The following CDC5L variants were observed in gnomAD, a reference collection of about 807,000 sequenced individuals.
The protein encoded by CDC5L is cell division cycle 5 like, also known as cell division cycle 5-like protein.
In CDC5L, 18 loss-of-function variants were observed where a neutral mutation model predicts 104.1. That is an observed-to-expected ratio of 0.17 (90% CI 0.12 to 0.26). The LOEUF (loss-of-function observed/expected upper bound fraction) is 0.26, where lower values mean the gene tolerates loss of function less well. Ranked by LOEUF, CDC5L falls within the 10% of genes least tolerant of loss-of-function variation. The pLI is 1.00. For synonymous variants in CDC5L, 331 were observed against 322.7 expected (o/e 1.03, Z -0.28); for missense variants, 673 against 956.9 (o/e 0.70, Z 3.91).
intron 11 of CDC5L, 135 bp from the exon 12 acceptor site, chr6:44,425,968 T>A: frequency 1.8e-6 from 1 of 543,690 alleles, no homozygotes; most frequent in Non-Finnish European, 3.3e-6. Context: ...GCATTGCCTT[T>A]CTACAAACTT....
At chr6:44,421,527 A>T (rs548087571) in intron 9 of CDC5L, among the ~76,000 whole-genome samples, 1 of 152,192 alleles carries the variant, frequency 6.6e-6, no homozygotes, top group Non-Finnish European at 1.5e-5. Context: ...AACATTTAAC[A>T]CTTCTTGAGA....
chr6:44,429,809 T>C lies in CDC5L; in HGVS notation c.1990T>C (p.Cys664Arg). 6.2e-7 allele frequency: 1 copy of C among 1,614,054 alleles called. No individual in the cohort carries two copies. The highest frequency in any genetic ancestry group is 8.5e-7 in the Non-Finnish European group (1 of 1,179,914). ...AGCTTATAACCAGGTGTGGGAAGAA[T>C]GCTACAGTCAAGTTTTATATCTTCC... Reference protein sequence around the residue: ...SEAYNQVWEECYSQVLYLPGQ... With the variant: ...SEAYNQVWEERYSQVLYLPGQ... The change falls in exon 14 of 16, where the codon TGC becomes CGC. Residue 664 changes from cysteine (C) to arginine (R), a missense_variant. Around this residue, in one of 4 missense-constraint regions of CDC5L, gnomAD observed 578 missense variants for 737.0 expected, o/e 0.78. Transcript: ENST00000371477.
chr6:44,395,847 A>G (rs997179473), intron 4 of CDC5L, among the ~76,000 whole-genome samples: 1 of 152,204 alleles, frequency 6.6e-6, no homozygotes, highest in Non-Finnish European at 1.5e-5. Flanking sequence ...AGAGCCACGA[A>G]AAATGTATTG....
chr6:44,431,781 T>C (rs1187725714), intron 14 of CDC5L, among the ~76,000 whole-genome samples: 2 of 152,224 alleles, frequency 1.3e-5, no homozygotes, highest in Non-Finnish European at 2.9e-5. Context: ...AAAGAGCCAC[T>C]CCTGTTCTTT....
intron 5 of CDC5L, among the ~76,000 whole-genome samples, chr6:44,400,586 C>G (rs953410487): frequency 2.6e-5 from 4 of 152,128 alleles, no homozygotes; most frequent in Non-Finnish European, 5.9e-5. Context: ...CAGGGTTTCC[C>G]CATGTTGGCC....
intron 8 of CDC5L, among the ~76,000 whole-genome samples, chr6:44,418,840 T>G (rs556382460): frequency 7.3e-4 from 65 of 89,420 alleles, no homozygotes; most frequent in Admixed American, 6.1e-3. Flanking sequence ...TTGATGTGGT[T>G]GTTTGTTTTT....
At chr6:44,420,318 G>A (rs143221595) in intron 9 of CDC5L, among the ~76,000 whole-genome samples, 26 of 151,662 alleles carry the variant, frequency 1.7e-4, no homozygotes, top group African/African-American at 6.0e-4. Flanking sequence ...TACAGGTTGA[G>A]CATCCCAAAT....
At chr6:44,436,109 G>A (rs879803615) in intron 14 of CDC5L, among the ~76,000 whole-genome samples, 4 of 152,218 alleles carry the variant, frequency 2.6e-5, no homozygotes, top group Non-Finnish European at 5.9e-5. Flanking sequence ...GGAAGCATGA[G>A]TTTGAGATAA....
At chr6:44,426,873 T>A in intron 13 of CDC5L, 149 bp downstream of exon 13, 1 of 772,992 alleles carries the variant, frequency 1.3e-6, no homozygotes, top group Non-Finnish European at 2.1e-6. Flanking sequence ...GATTAAGTGT[T>A]ATGAAAAGGA....
intron 15 of CDC5L, among the ~76,000 whole-genome samples, chr6:44,446,398 T>C (rs1294899020): frequency 6.6e-6 from 1 of 152,218 alleles, no homozygotes; most frequent in Non-Finnish European, 1.5e-5. Context: ...TTATTTGAAG[T>C]AGCAGCAGGA....
At chr6:44,419,715 T>G (rs575982097) in intron 9 of CDC5L, 118 bp downstream of exon 9, 360 of 760,860 alleles carry the variant, frequency 4.7e-4, no homozygotes, top group Non-Finnish European at 6.6e-4. Flanking sequence ...TCCTCTTTGA[T>G]TTCTTCTTCA....
In CDC5L at chr6:44,446,669, T is replaced by G; in HGVS notation, c.2367T>G (p.Ala789=). 1.3e-6 allele frequency: 2 copies of G among 1,596,882 alleles called. No homozygotes were observed. Among genetic ancestry groups the G allele is most frequent in the Non-Finnish European group, 8.5e-7 (1 of 1,171,296 alleles). The change falls in exon 16 of 16, where the codon GCT becomes GCG. Residue 789 remains alanine, a synonymous_variant. Coordinates refer to ENST00000371477, the MANE Select transcript of CDC5L (RefSeq NM_001253.4). ...EREKELQHRY[A]DLLLEKETLK... ...AAAAGGAACTTCAACATAGATATGC[T>G]GATTTGCTGCTGGAGAAAGAGACTT...
chr6:44,403,970 C>T lies in CDC5L; in HGVS notation c.701C>T (p.Ala234Val), dbSNP rs1189895969. The T allele has an allele frequency of 1.2e-6, 2 of 1,613,294 alleles. No individual in the cohort carries two copies. Among genetic ancestry groups the T allele is most frequent in the African/African-American group, 1.3e-5 (1 of 74,832 alleles). The change falls in exon 6 of 16, where the codon GCT (alanine) becomes GTT (valine). Residue 234 changes from alanine to valine, a missense_variant. Transcript: ENST00000371477. Reference sequence around the variant, plus strand: ...GATACTTCTGAGGAAAACTACCAAGCTCTTGACGCAGATTTCAGGAAATTA... The same window carrying T: ...GATACTTCTGAGGAAAACTACCAAGTTCTTGACGCAGATTTCAGGAAATTA... ...FYDTSEENYQ[A>V]LDADFRKLRQ...
chr6:44,432,223 A>T (rs530085382), intron 14 of CDC5L, among the ~76,000 whole-genome samples: 1 of 152,210 alleles, frequency 6.6e-6, no homozygotes, highest in Admixed American at 6.5e-5. Context: ...TTTTATTTCA[A>T]TTGTGGTAAT....
chr6:44,445,536 G>C, intron 14 of CDC5L, 119 bp from the exon 15 acceptor site: 1 of 640,644 alleles, frequency 1.6e-6, no homozygotes, highest in Non-Finnish European at 2.8e-6. Flanking sequence ...GAGCTATAAG[G>C]AGTTCTAGTG....
intron 5 of CDC5L, 84 bp downstream of exon 5, chr6:44,396,524 G>GTTT (rs75189350): frequency 3.9e-4 from 228 of 583,360 alleles, no homozygotes; most frequent in East Asian, 5.3e-4. Context: ...CAGATATGTG[G>GTTT]TTTTTTTTTT....
At position 44,422,789 on chromosome 6, in the gene CDC5L, C is replaced by A. The variant is rs745967167; in HGVS notation, c.1384C>A (p.Pro462Thr). Residue 462 changes from proline (P) to threonine (T), a missense_variant, in exon 10 of 16, where the codon CCC (proline) becomes ACC (threonine). Around this residue, in one of 4 missense-constraint regions of CDC5L, gnomAD observed 578 missense variants for 737.0 expected, o/e 0.78. Coordinates refer to ENST00000371477, the MANE Select transcript of CDC5L (RefSeq NM_001253.4). Reference protein sequence around the residue: ...PEDGMADYSDPSYVKQMERES... With the variant: ...PEDGMADYSDTSYVKQMERES... ...GGATGGAATGGCAGACTATAGTGATCCCTCTTACGTGAAGCAGATGGTAAA... is the reference window on the plus strand; with the variant it reads ...GGATGGAATGGCAGACTATAGTGATACCTCTTACGTGAAGCAGATGGTAAA... The A allele has an allele frequency of 5.0e-5, 80 of 1,610,500 alleles. No homozygotes were observed. The highest frequency in any genetic ancestry group is 6.4e-5 in the Non-Finnish European group (76 of 1,178,362).
In CDC5L at chr6:44,446,743, T is replaced by C; in HGVS notation, c.*32T>C. ...GTTTATATTCTGTCACAGGATTAATTAATTGCCGGTTTTCATACTCTAGAA... is the reference window on the plus strand; with the variant it reads ...GTTTATATTCTGTCACAGGATTAATCAATTGCCGGTTTTCATACTCTAGAA... On this transcript the variant is annotated 3_prime_UTR_variant, in exon 16 of 16. Coordinates refer to ENST00000371477, the MANE Select transcript of CDC5L (RefSeq NM_001253.4). 9.3e-7 allele frequency: 1 copy of C among 1,078,288 alleles called. No homozygotes were observed. The highest frequency in any genetic ancestry group is 1.4e-6 in the Non-Finnish European group (1 of 722,430). 66.8% of individuals were successfully genotyped at this position (1,078,288 alleles called of 1,614,324 possible). A position where few individuals can be genotyped will look rare whatever the true frequency, so the allele number is the denominator to read the frequency against.
chr6:44,410,159 A>G (rs1791564268), intron 8 of CDC5L, among the ~76,000 whole-genome samples: 1 of 152,116 alleles, frequency 6.6e-6, no homozygotes, highest in Non-Finnish European at 1.5e-5. Context: ...GTAATGTATA[A>G]TATCTTGAAC....
Sources: gnomAD v4.1 joint callset for allele counts (sites outside exome capture counted in the v4.1 genomes callset) on GRCh38, gnomAD v4.1.1 for gene constraint, gnomAD v4.1.1 regional missense constraint, MANE v1.5 for transcripts, NCBI Gene and HGNC (gene_info 2026-07-23, HGNC 2026-07-21) for gene names.